CSMD1: variants seen among roughly 807,000 people sequenced by gnomAD.
The protein encoded by CSMD1 is CUB and sushi domain-containing protein 1.
Under a neutral mutation model 417.5 loss-of-function variants are expected in CSMD1, and 213 were observed. The observed-to-expected ratio is 0.51, with a 90% confidence interval of 0.46 to 0.57. The LOEUF (loss-of-function observed/expected upper bound fraction) is 0.57. Ranked by LOEUF, CSMD1 falls within the 20% of genes least tolerant of loss-of-function variation. The pLI, the probability that CSMD1 is intolerant of heterozygous loss-of-function variation, is 0.00. For synonymous variants in CSMD1, 2,862 were observed against 1,736.8 expected, an observed-to-expected ratio of 1.65 and a Z score of -16.11; for missense variants, 6,923 against 4,529.7, an observed-to-expected ratio of 1.53 and a Z score of -15.17.
intron 1 of CSMD1, among the ~76,000 whole-genome samples, chr8:4,959,718 G>C (rs1352284266): frequency 6.6e-6 from 1 of 152,194 alleles, no homozygotes; most frequent in Non-Finnish European, 1.5e-5. Context: ...TTCACGGAAT[G>C]TCAAAATCCT....
intron 2 of CSMD1, among the ~76,000 whole-genome samples, chr8:4,555,348 T>A (rs955447023): frequency 1.3e-5 from 2 of 152,130 alleles, no homozygotes; most frequent in Admixed American, 1.3e-4. Context: ...GACCTGGCAA[T>A]GGATGGAACA....
At chr8:3,438,765 A>G (rs1054391791) in intron 12 of CSMD1, among the ~76,000 whole-genome samples, 3 of 152,124 alleles carry the variant, frequency 2.0e-5, no homozygotes, top group African/African-American at 7.2e-5. Context: ...CTTCTCTGAG[A>G]TAAATGATTG....
At chr8:3,810,459 G>A (rs1348145396) in intron 5 of CSMD1, among the ~76,000 whole-genome samples, 1 of 152,074 alleles carries the variant, frequency 6.6e-6, no homozygotes, top group Non-Finnish European at 1.5e-5. Flanking sequence ...GAGGACCTGG[G>A]CACACTGCAG....
chr8:4,327,090 T>C (rs1462457835), intron 3 of CSMD1, among the ~76,000 whole-genome samples: 1 of 152,140 alleles, frequency 6.6e-6, no homozygotes, highest in African/African-American at 2.4e-5. Flanking sequence ...TGTAGCATAT[T>C]CTTGAACAGG....
chr8:4,633,535 C>CGCCAT (rs1274936713), intron 2 of CSMD1, among the ~76,000 whole-genome samples: 14 of 151,106 alleles, frequency 9.3e-5, no homozygotes, highest in Non-Finnish European at 1.5e-4. Flanking sequence ...AGGTAAGAGC[C>CGCCAT]GCCATGCCAG....
chr8:4,733,665 A>G (rs1810043036), intron 1 of CSMD1, among the ~76,000 whole-genome samples: 1 of 152,226 alleles, frequency 6.6e-6, no homozygotes, highest in Non-Finnish European at 1.5e-5. Flanking sequence ...CTGAACAGGT[A>G]TTTTGTTCAC....
chr8:4,202,919 G>A (rs569007554), intron 3 of CSMD1, among the ~76,000 whole-genome samples: 18 of 152,290 alleles, frequency 1.2e-4, no homozygotes, highest in Admixed American at 1.1e-3. Context: ...CACCTGGAGT[G>A]AGGAGAGATG....
intron 1 of CSMD1, among the ~76,000 whole-genome samples, chr8:4,909,586 T>C (rs577176965): frequency 6.6e-6 from 1 of 152,234 alleles, no homozygotes; most frequent in African/African-American, 2.4e-5. Context: ...TAAGAAGGGA[T>C]ATTCCTGGAA....
chr8:4,583,973 C>T (rs534329993), intron 2 of CSMD1, among the ~76,000 whole-genome samples: 9 of 152,056 alleles, frequency 5.9e-5, no homozygotes, highest in East Asian at 1.9e-4. Context: ...CTGAAGCCAA[C>T]GAGACCACAA....
chr8:3,318,426 C>T (rs760453331), intron 23 of CSMD1, among the ~76,000 whole-genome samples: 9 of 152,264 alleles, frequency 5.9e-5, no homozygotes, highest in African/African-American at 9.6e-5. Context: ...TTTTGCTAGA[C>T]GCCGAAGATA....
Position 4,236,417 on chromosome 8 carries a change from A to G in CSMD1, c.415+183536T>C, listed in dbSNP as rs188421284. ...GAAGCACCCACTCTAGCCAGTCAAG[A>G]ATTTTTCTCCTACACCCCGGGTAAC... is the stretch of plus-strand genomic sequence containing the variant. On this transcript the variant is annotated intron_variant, in intron 3 of 69. Coordinates refer to ENST00000635120, the MANE Select transcript of CSMD1 (RefSeq NM_033225.6). Among the ~76,000 whole-genome samples the G allele has an allele frequency of 1.2e-3, 177 of 152,228 alleles. 2 individuals carry two copies. The highest frequency in any genetic ancestry group is 3.8e-3 in the African/African-American group (156 of 41,512).
chr8:3,291,116 C>A (rs1379266853), intron 25 of CSMD1, among the ~76,000 whole-genome samples: 1 of 152,058 alleles, frequency 6.6e-6, no homozygotes, highest in African/African-American at 2.4e-5. Context: ...TGTTTATATG[C>A]TAGATTACAT....
intron 1 of CSMD1, among the ~76,000 whole-genome samples, chr8:4,761,621 C>T (rs1348211686): frequency 1.3e-5 from 2 of 152,030 alleles, no homozygotes; most frequent in African/African-American, 4.8e-5. Flanking sequence ...ATCTTTAACA[C>T]TCCCAAATGA....
intron 2 of CSMD1, among the ~76,000 whole-genome samples, chr8:4,608,675 T>C (rs1281840534): frequency 6.6e-6 from 1 of 152,204 alleles, no homozygotes; most frequent in African/African-American, 2.4e-5. Context: ...TGTCCTAAAG[T>C]CCTCTTTGTG....
intron 6 of CSMD1, among the ~76,000 whole-genome samples, chr8:3,740,586 G>A (rs908523870): frequency 6.6e-6 from 1 of 152,142 alleles, no homozygotes; most frequent in South Asian, 2.1e-4. Context: ...CACACAGGAA[G>A]GAGGACGAGC....
chr8:3,399,323 T>G (rs746418205), intron 16 of CSMD1, 68 bp downstream of exon 16: 1 of 1,401,718 alleles, frequency 7.1e-7, no homozygotes. Flanking sequence ...AAGTTTAAGA[T>G]CCATTTACTA....
chr8:4,781,007 T>C (rs898742316), intron 1 of CSMD1, among the ~76,000 whole-genome samples: 5 of 152,218 alleles, frequency 3.3e-5, no homozygotes, highest in Admixed American at 2.0e-4. Context: ...TTACCTTAAA[T>C]AGGGTAATTA....
chr8:3,262,679 A>G (rs1247692810), intron 26 of CSMD1, among the ~76,000 whole-genome samples: 3 of 152,168 alleles, frequency 2.0e-5, no homozygotes, highest in African/African-American at 7.2e-5. Context: ...TCAAGCAAAC[A>G]TGGAATACCT....
intron 3 of CSMD1, among the ~76,000 whole-genome samples, chr8:4,056,078 C>CTTTTTTTTT (rs58415435): frequency 3.1e-5 from 3 of 97,844 alleles, no homozygotes; most frequent in African/African-American, 7.8e-5. Context: ...TGGTGGCTTC[C>CTTTTTTTTT]TTTTTTTTTT....
Sources: allele counts gnomAD v4.1 joint callset (sites outside exome capture counted in the v4.1 genomes callset), GRCh38; gene constraint gnomAD v4.1.1; transcripts MANE v1.5; gene names NCBI Gene and HGNC (gene_info 2026-07-23, HGNC 2026-07-21).